The following TECRL variants were observed in gnomAD, a reference collection of about 807,000 sequenced individuals.
TECRL encodes trans-2,3-enoyl-CoA reductase-like.
TECRL carries 63 observed loss-of-function variants against 52.8 expected under a neutral mutation model. That is an observed-to-expected ratio of 1.19 (90% CI 0.97 to 1.47). TECRL has a LOEUF of 1.47. Among genes scored for constraint, TECRL ranks in the 40% most tolerant of loss-of-function variants. The pLI, the probability that TECRL is intolerant of heterozygous loss-of-function variation, is 0.00. For synonymous variants in TECRL, 164 were observed against 141.9 expected, an observed-to-expected ratio of 1.16 and a Z score of -1.10; for missense variants, 482 against 429.6, an observed-to-expected ratio of 1.12 and a Z score of -1.08.
At position 64,360,212 on chromosome 4, in the gene TECRL, C is replaced by A. The variant is rs539416688; in HGVS notation, c.286+14960G>T. Among the ~76,000 whole-genome samples, 38 of 151,720 alleles carry A rather than the reference C, an allele frequency of 2.5e-4. 1 individual carries two copies. In the South Asian group the frequency reaches 7.7e-3, roughly 31 times the overall value. The stretch of plus-strand genomic sequence containing the variant: ...CAGTATGTTTGCAGCTCTTGATAAT[C>A]TAATGGGATAATGGGAGATAAATTC... On this transcript the variant is annotated intron_variant, in intron 2 of 11. Coordinates refer to ENST00000381210, the MANE Select transcript of TECRL (RefSeq NM_001010874.5).
At chr4:64,334,025 C>T (rs1236347228) in intron 2 of TECRL, among the ~76,000 whole-genome samples, 5 of 7,614 alleles carry the variant, frequency 6.6e-4, no homozygotes, top group African/African-American at 9.6e-4. Flanking sequence ...AGCGAGACTC[C>T]GTCTCAAAAA....
At chr4:64,281,203 TA>T in intron 10 of TECRL, 117 bp from the exon 11 acceptor site, 2 of 632,774 alleles carry the variant, frequency 3.2e-6, no homozygotes, top group Non-Finnish European at 5.2e-6. Flanking sequence ...TAGATAGGAA[TA>T]CATTTTCAAG....
At chr4:64,345,907 C>CAAAAAAAAAAA (rs777171822) in intron 2 of TECRL, among the ~76,000 whole-genome samples, 2,046 of 23,336 alleles carry the variant, frequency 0.088, 917 homozygotes, top group South Asian at 0.14. Context: ...GCCTCAACAG[C>CAAAAAAAAAAA]AAAAAAAAAA....
At chr4:64,324,258 A>C (rs943341197) in intron 3 of TECRL, among the ~76,000 whole-genome samples, 7 of 152,136 alleles carry the variant, frequency 4.6e-5, no homozygotes, top group African/African-American at 9.7e-5. Context: ...TTTGAAAAAC[A>C]CTTAAATGTT....
intron 2 of TECRL, among the ~76,000 whole-genome samples, chr4:64,346,778 A>G (rs1037429730): frequency 2.4e-4 from 36 of 152,216 alleles, no homozygotes; most frequent in African/African-American, 8.2e-4. Context: ...CTTTCCCTGA[A>G]CATGAGTGGC....
intron 2 of TECRL, among the ~76,000 whole-genome samples, chr4:64,373,455 A>G (rs939215376): frequency 1.3e-5 from 2 of 151,836 alleles, no homozygotes; most frequent in Non-Finnish European, 3.0e-5. Context: ...TCAGTTTCCT[A>G]AGTATTAGAA....
At chr4:64,385,592 A>G (rs1723120674) in intron 1 of TECRL, among the ~76,000 whole-genome samples, 1 of 152,052 alleles carries the variant, frequency 6.6e-6, no homozygotes, top group Non-Finnish European at 1.5e-5. Context: ...CTAGGTGGAT[A>G]TGAGGGGATG....
chr4:64,298,675 T>A (rs1317248632), intron 8 of TECRL, among the ~76,000 whole-genome samples: 1 of 151,110 alleles, frequency 6.6e-6, no homozygotes, highest in African/African-American at 2.4e-5. Context: ...GTTGTCTTAA[T>A]TACACAGAAA....
intron 1 of TECRL, among the ~76,000 whole-genome samples, chr4:64,407,952 C>A (rs1054149089): frequency 6.6e-6 from 1 of 151,380 alleles, no homozygotes; most frequent in African/African-American, 2.4e-5. Flanking sequence ...ATATACTCAT[C>A]GCTTATATAT....
At chr4:64,299,927 A>G (rs761301491) in intron 8 of TECRL, 47 bp downstream of exon 8, 1 of 1,243,420 alleles carries the variant, frequency 8.0e-7, no homozygotes. Flanking sequence ...TTTCTTAATA[A>G]TACCAAAATT....
At chr4:64,286,755 T>A (rs1723101743) in intron 9 of TECRL, among the ~76,000 whole-genome samples, 1 of 151,904 alleles carries the variant, frequency 6.6e-6, no homozygotes, top group Admixed American at 6.6e-5. Flanking sequence ...AGATAAAGAG[T>A]GAACATTAAA....
chr4:64,291,003 G>T (rs1232928584), intron 8 of TECRL, among the ~76,000 whole-genome samples: 1 of 152,052 alleles, frequency 6.6e-6, no homozygotes, highest in Non-Finnish European at 1.5e-5. Context: ...TGAATTTTCA[G>T]GTAATACTTT....
rs762420138 is a variant in TECRL at position 64,322,707 on chromosome 4, T to C, written c.417A>G (p.Gln139=). ...IVTLYATDLG[Q]QVSWTTVFLA... is the part of the protein sequence containing the mutation. The stretch of plus-strand genomic sequence containing the variant: ...CACTTACTGTGGTCCAACTGACTTG[T>C]TGACCTAGGTCTGTAGCATACAGTG... The change falls in exon 4 of 12, where the codon CAA becomes CAG. Residue 139 remains glutamine, a synonymous_variant. Coordinates refer to ENST00000381210, the MANE Select transcript of TECRL (RefSeq NM_001010874.5). 1 of 1,605,556 alleles carries C rather than the reference T, an allele frequency of 6.2e-7. No individual in the cohort carries two copies. Among genetic ancestry groups the C allele is most frequent in the Non-Finnish European group, 8.5e-7 (1 of 1,175,528 alleles).
chr4:64,351,777 G>A (rs914398664), intron 2 of TECRL, among the ~76,000 whole-genome samples: 36 of 152,244 alleles, frequency 2.4e-4, no homozygotes, highest in African/African-American at 6.0e-4. Context: ...AATAAAAAGC[G>A]TGGCAGTCTA....
At position 64,278,052 on chromosome 4, in the gene TECRL, G is replaced by A. The variant is rs1421706304; in HGVS notation, c.*2020C>T. The A allele has an allele frequency of 6.6e-6, 1 of 151,218 alleles. No individual in the cohort carries two copies. The highest frequency in any genetic ancestry group is 1.5e-5 in the Non-Finnish European group (1 of 67,658). The allele number at this position is 151,218 out of a possible 1,614,324, so 9.4% of individuals were successfully genotyped here. A position where few individuals can be genotyped will look rare whatever the true frequency, so the allele number is the denominator to read the frequency against. On this transcript the variant is annotated 3_prime_UTR_variant, in exon 12 of 12. Transcript: ENST00000381210. ...TTGAAATATGCATATATTTGTGTATGTGTATATATATGTGTATATATATAC... is the reference window on the plus strand; with the variant it reads ...TTGAAATATGCATATATTTGTGTATATGTATATATATGTGTATATATATAC...
Position 64,289,708 on chromosome 4 carries a change from A to G in TECRL, c.832+2T>C. ...AGAAAAGAAAAAGAAAAAAGAACTA[A>G]CCTGTGTGATTGGGATGAGACAACA... On this transcript the variant is annotated splice_donor_variant, in intron 9 of 11. Transcript: ENST00000381210. LOFTEE classifies it high-confidence loss of function. 1 of 1,530,614 alleles carries G rather than the reference A, an allele frequency of 6.5e-7. No homozygotes were observed. The highest frequency in any genetic ancestry group is 8.7e-7 in the Non-Finnish European group (1 of 1,148,914). The allele number at this position is 1,530,614 out of a possible 1,614,324, so 94.8% of individuals were successfully genotyped here. A position where few individuals can be genotyped will look rare whatever the true frequency, so the allele number is the denominator to read the frequency against.
chr4:64,376,924 C>G (rs1274255915), intron 1 of TECRL, among the ~76,000 whole-genome samples: 1 of 151,950 alleles, frequency 6.6e-6, no homozygotes, highest in Non-Finnish European at 1.5e-5. Flanking sequence ...AAAAATAAAG[C>G]TGTGAGTGCA....
intron 2 of TECRL, among the ~76,000 whole-genome samples, chr4:64,342,945 A>C (rs908631427): frequency 6.6e-6 from 1 of 152,162 alleles, no homozygotes; most frequent in African/African-American, 2.4e-5. Flanking sequence ...ACATAAAGTT[A>C]GGGAAAGATT....
rs143113153 is a variant in TECRL, at chr4:64,316,047, A to G, written c.436-1284T>C. ...CCACTTGTGAATGTGTAATGATAGAATGCCAAAACTCTGGAATAATGATGA... is the reference window on the plus strand; with the variant it reads ...CCACTTGTGAATGTGTAATGATAGAGTGCCAAAACTCTGGAATAATGATGA... On this transcript the variant is annotated intron_variant, in intron 4 of 11. Coordinates refer to ENST00000381210, the MANE Select transcript of TECRL (RefSeq NM_001010874.5). 1.5e-3 allele frequency among the ~76,000 whole-genome samples: 228 copies of G among 152,224 alleles called. 1 individual carries two copies. The highest frequency in any genetic ancestry group is 5.2e-3 in the African/African-American group (217 of 41,568).
Sources: gnomAD v4.1 joint callset for allele counts (sites outside exome capture counted in the v4.1 genomes callset) on GRCh38, gnomAD v4.1.1 for gene constraint, MANE v1.5 for transcripts, NCBI Gene and HGNC (gene_info 2026-07-23, HGNC 2026-07-21) for gene names.